Variants in ZNF469 observed in about 807,000 individuals in gnomAD.
ZNF469 encodes the protein zinc finger protein 469.
Under a neutral mutation model 1.0 loss-of-function variants are expected in ZNF469, and 1 was observed. That is an observed-to-expected ratio of 1.00 (90% CI 0.35 to 4.73). ZNF469 has a LOEUF of 4.73. Among genes scored for constraint, ZNF469 ranks in the 30% most tolerant of loss-of-function variants. The pLI is 0.16. For synonymous variants in ZNF469, 2,703 were observed against 2,363.4 expected, an observed-to-expected ratio of 1.14 and a Z score of -4.17; for missense variants, 6,100 against 5,356.3, an observed-to-expected ratio of 1.14 and a Z score of -4.33.
chr16:88,398,553 A>AGGGGTGTGTG (rs1904761764), intron 1 of ZNF469, among the ~76,000 whole-genome samples: 1 of 140,066 alleles, frequency 7.1e-6, no homozygotes, highest in Non-Finnish European at 1.5e-5. Flanking sequence ...GCCACAGATG[A>AGGGGTGTGTG]AGAGAATGCG....
At chr16:88,205,811 A>ACT in the ZNF469 span, among the ~76,000 whole-genome samples, 2 of 152,202 alleles carry the variant, frequency 1.3e-5, no homozygotes, top group Non-Finnish European at 2.9e-5. This position sits in a 1 kb window ranked among gnomAD's most constrained non-coding sequence, Gnocchi z 4.2. Flanking sequence ...GTGTGTGAGG[A>ACT]CTCGCACAGG....
In ZNF469 at chr16:88,438,053, A is replaced by G; in HGVS notation, c.10583A>G (p.Glu3528Gly). 1 of 1,550,336 alleles carries G rather than the reference A, an allele frequency of 6.5e-7. No individual in the cohort carries two copies. Among genetic ancestry groups the G allele is most frequent in the Middle Eastern group, 1.7e-4 (1 of 5,992 alleles). Residue 3528 changes from glutamate (E) to glycine (G), a missense_variant, in exon 3 of 3, where the codon GAG (glutamate) becomes GGG (glycine). Coordinates refer to ENST00000565624, the MANE Select transcript of ZNF469 (RefSeq NM_001367624.2). ...ACCAAGGGATGGCCCGAGACCCTAG[A>G]GAGGCCTGTAGACCCCGTGACCCAC... is the stretch of plus-strand genomic sequence containing the variant. Reference protein sequence around the residue: ...STTKGWPETLERPVDPVTHPI... With the variant: ...STTKGWPETLGRPVDPVTHPI...
the ZNF469 span, among the ~76,000 whole-genome samples, chr16:88,259,604 C>T: frequency 6.6e-6 from 1 of 152,184 alleles, no homozygotes; most frequent in South Asian, 2.1e-4. This position sits in a 1 kb window ranked among gnomAD's most constrained non-coding sequence, Gnocchi z 4.1. Flanking sequence ...CCCCAGAATC[C>T]CTATGAGCCC....
At chr16:88,273,394 C>T in the ZNF469 span, among the ~76,000 whole-genome samples, 10 of 151,806 alleles carry the variant, frequency 6.6e-5, no homozygotes, top group East Asian at 1.9e-4. Flanking sequence ...CATGAAAAGA[C>T]GCACAATATC....
At chr16:88,112,074 T>C in the ZNF469 span, among the ~76,000 whole-genome samples, 1 of 152,230 alleles carries the variant, frequency 6.6e-6, no homozygotes, top group Admixed American at 6.5e-5. Context: ...ACATTTTCTT[T>C]ATCTGTTTGT....
the ZNF469 span, among the ~76,000 whole-genome samples, chr16:88,361,353 C>G: frequency 2.4e-4 from 36 of 152,236 alleles, no homozygotes; most frequent in Non-Finnish European, 4.3e-4. Context: ...GGACCCCTGC[C>G]CTAGAGGAAG....
rs920772556 is a variant in ZNF469, at chr16:88,429,941, C to G, written c.2471C>G (p.Pro824Arg). The G allele has an allele frequency of 7.7e-6, 12 of 1,550,172 alleles. No individual in the cohort carries two copies. The highest frequency in any genetic ancestry group is 5.9e-5 in the Admixed American group (3 of 50,990). Residue 824 changes from proline (P) to arginine (R), a missense_variant, in exon 3 of 3, where the codon CCC (proline) becomes CGC (arginine). Pro to Arg is a moderately radical substitution (Grantham distance 103). Transcript: ENST00000565624. ...TTCCTGCCCAGCCTGGCCGCCACCC[C>G]CTTCCCGCTCCCTGCCTCGGACCTG... The part of the protein sequence containing the change: ...TGFLPSLAAT[P>R]FPLPASDLDM...
chr16:88,299,404 G>A, the ZNF469 span, among the ~76,000 whole-genome samples: 9 of 152,304 alleles, frequency 5.9e-5, no homozygotes, highest in East Asian at 5.8e-4. Flanking sequence ...CGGAGAGGCC[G>A]GAGGGCAGAG....
At chr16:88,258,501 C>T in the ZNF469 span, among the ~76,000 whole-genome samples, 6 of 150,828 alleles carry the variant, frequency 4.0e-5, no homozygotes, top group East Asian at 1.2e-3. Flanking sequence ...TAAAGGAGGC[C>T]CAGCACAAAA....
chr16:88,176,410 C>T, the ZNF469 span, among the ~76,000 whole-genome samples: 10 of 149,970 alleles, frequency 6.7e-5, no homozygotes, highest in African/African-American at 2.2e-4. Context: ...CTGGGACACC[C>T]GTGTGCTTTC....
At chr16:88,154,425 CAA>C in the ZNF469 span, among the ~76,000 whole-genome samples, 1 of 152,220 alleles carries the variant, frequency 6.6e-6, no homozygotes, top group Non-Finnish European at 1.5e-5. Context: ...TTTGGCCTCC[CAA>C]AGTGCTGGGA....
the ZNF469 span, among the ~76,000 whole-genome samples, chr16:88,291,632 C>T: frequency 3.9e-5 from 6 of 152,044 alleles, no homozygotes; most frequent in African/African-American, 9.7e-5. Context: ...CTTGTGTATC[C>T]GTCTTACACC....
the ZNF469 span, among the ~76,000 whole-genome samples, chr16:88,163,143 T>G: frequency 8.0e-6 from 1 of 125,710 alleles, no homozygotes; most frequent in African/African-American, 3.1e-5. Context: ...AATAGATGGG[T>G]AGATAGGTGG....
At chr16:88,104,248 TA>T in the ZNF469 span, among the ~76,000 whole-genome samples, 96,195 of 130,484 alleles carry the variant, frequency 0.74, 36,190 homozygotes, top group Non-Finnish European at 0.85. Context: ...GACGGTATCT[TA>T]AAAAAAAAAA....
the ZNF469 span, among the ~76,000 whole-genome samples, chr16:88,309,185 C>T: frequency 6.6e-6 from 1 of 152,242 alleles, no homozygotes; most frequent in Non-Finnish European, 1.5e-5. Flanking sequence ...TGATGCTCAC[C>T]TCTCAGGGGA....
At chr16:88,224,549 G>A in the ZNF469 span, among the ~76,000 whole-genome samples, 1 of 152,218 alleles carries the variant, frequency 6.6e-6, no homozygotes, top group African/African-American at 2.4e-5. Flanking sequence ...GTGGCACTTA[G>A]TGGTAAACCC....
the ZNF469 span, among the ~76,000 whole-genome samples, chr16:88,192,828 G>C: frequency 6.6e-6 from 1 of 151,716 alleles, no homozygotes; most frequent in Non-Finnish European, 1.5e-5. Flanking sequence ...TGGTGGTGGT[G>C]GTGGTGATGA....
chr16:88,355,675 C>T, the ZNF469 span, among the ~76,000 whole-genome samples: 4 of 152,188 alleles, frequency 2.6e-5, no homozygotes, highest in Admixed American at 2.0e-4. Flanking sequence ...GAAGCCCAGG[C>T]ACCCTAACAG....
rs1249911847 is a variant in ZNF469, at chr16:88,430,729, C to G, written c.3259C>G (p.Arg1087Gly). 4 of 1,499,022 alleles carry G rather than the reference C, an allele frequency of 2.7e-6. No individual in the cohort carries two copies. Among genetic ancestry groups the G allele is most frequent in the Middle Eastern group, 4.0e-4 (2 of 5,060 alleles). 92.9% of individuals were successfully genotyped at this position (1,499,022 alleles called of 1,614,324 possible). A position where few individuals can be genotyped will look rare whatever the true frequency, so the allele number is the denominator to read the frequency against. ...AGRPRPGAED[R>G]RLREYDFASE... Reference sequence around the variant, plus strand: ...GAGGCCCCGGCCCGGAGCTGAGGACCGCAGGCTCCGCGAGTACGACTTCGC... The same window carrying G: ...GAGGCCCCGGCCCGGAGCTGAGGACGGCAGGCTCCGCGAGTACGACTTCGC... Residue 1087 changes from arginine to glycine, a missense_variant, in exon 3 of 3, where the codon CGC becomes GGC. By Grantham distance (125) the Arg-to-Gly change is moderately radical. Transcript: ENST00000565624.
Sources: allele counts gnomAD v4.1 joint callset (sites outside exome capture counted in the v4.1 genomes callset), GRCh38; gene constraint gnomAD v4.1.1; non-coding constraint Gnocchi (gnomAD v3.1); transcripts MANE v1.5; gene names NCBI Gene and HGNC (gene_info 2026-07-23, HGNC 2026-07-21).